Variants in CAPN15 observed in about 807,000 individuals in gnomAD.
CAPN15 encodes calpain-15.
In CAPN15, 53 loss-of-function variants were observed where a neutral mutation model predicts 97.9. That is an observed-to-expected ratio of 0.54 (90% CI 0.43 to 0.68). The LOEUF (loss-of-function observed/expected upper bound fraction) is 0.68, where lower values mean the gene tolerates loss of function less well. CAPN15 is among the 30% of genes least tolerant of loss of function. The probability of loss-of-function intolerance (pLI) is 0.00; values close to 1 mark genes in which losing one functional copy is unlikely to be tolerated. For missense variants in CAPN15, 1,592 were observed against 1,589.8 expected (o/e 1.00, Z -0.02); for synonymous variants, 922 against 722.5 (o/e 1.28, Z -4.43).
rs529470101 is a variant in CAPN15 at position 534,423 on chromosome 16, C to T, written c.-137+425C>T. ...GCACCTGTTTCTGGAGAATGCTGTC[C>T]TGCCAGTTGTCATTTGGGGCGGGCG... On this transcript the variant is annotated intron_variant, in intron 2 of 13. Transcript: ENST00000219611. Among the ~76,000 whole-genome samples the T allele has an allele frequency of 3.1e-3, 475 of 152,314 alleles. 4 individuals carry two copies. The highest frequency in any genetic ancestry group is 5.0e-3 in the Non-Finnish European group (338 of 68,008).
chr16:552,995 A>G lies in CAPN15; in HGVS notation c.3037A>G (p.Thr1013Ala). 2 of 1,610,302 alleles carry G rather than the reference A, an allele frequency of 1.2e-6. No individual in the cohort carries two copies. The highest frequency in any genetic ancestry group is 1.7e-6 in the Non-Finnish European group (2 of 1,178,690). ...DCTDSFNVVS[T>A]RGSLRTQDSV... Reference sequence around the variant, plus strand: ...CACCGACAGCTTCAACGTGGTGTCCACACGCGGCAGCCTGCGTACCCAGGA... The same window carrying G: ...CACCGACAGCTTCAACGTGGTGTCCGCACGCGGCAGCCTGCGTACCCAGGA... Residue 1013 changes from threonine to alanine, a missense_variant, in exon 13 of 14, where the codon ACA becomes GCA. Physicochemically the swap from Thr to Ala is moderately conservative, Grantham distance 58. Coordinates refer to ENST00000219611, the MANE Select transcript of CAPN15 (RefSeq NM_005632.3). The surrounding 1 kb of genome is among the most constrained non-coding windows in gnomAD (Gnocchi z 6.4).
rs1447200836 is a variant in CAPN15, at chr16:553,951, T to C, written c.*435T>C. The C allele has an allele frequency of 1.1e-5, 2 of 188,332 alleles. No homozygotes were observed. The highest frequency in any genetic ancestry group is 2.1e-5 in the Non-Finnish European group (2 of 94,828). The allele number at this position is 188,332 out of a possible 1,614,324, so 11.7% of individuals were successfully genotyped here. ...ACCCCTCACGGGGCATAAGGTCAGT[T>C]TTCCCCCAGAGCCCGGGTCCCTGTC... On this transcript the variant is annotated 3_prime_UTR_variant, in exon 14 of 14. Coordinates refer to ENST00000219611, the MANE Select transcript of CAPN15 (RefSeq NM_005632.3).
chr16:543,534 C>G (rs556187275), intron 3 of CAPN15, among the ~76,000 whole-genome samples: 1 of 152,198 alleles, frequency 6.6e-6, no homozygotes, highest in African/African-American at 2.4e-5. Context: ...CCTGCCTGGC[C>G]CTCCCCTGGG....
At chr16:537,151 C>T (rs913570851) in intron 3 of CAPN15, 20 of 985,352 alleles carry the variant, frequency 2.0e-5, no homozygotes, top group East Asian at 1.1e-4. Context: ...TCTTCTCTTC[C>T]GAGCACCCAC....
At chr16:531,659 T>C (rs573453344) in intron 1 of CAPN15, among the ~76,000 whole-genome samples, 163 of 122,406 alleles carry the variant, frequency 1.3e-3, no homozygotes, top group African/African-American at 4.0e-3. Context: ...TCCCAAGGCC[T>C]CCGTCTCCCT....
intron 3 of CAPN15, among the ~76,000 whole-genome samples, chr16:545,957 G>T (rs1294744957): frequency 6.6e-6 from 1 of 152,206 alleles, no homozygotes; most frequent in Non-Finnish European, 1.5e-5. Context: ...TGGTGATGGC[G>T]GGGAGAGGCC....
chr16:544,490 G>A (rs1405439335), intron 3 of CAPN15, among the ~76,000 whole-genome samples: 3 of 152,126 alleles, frequency 2.0e-5, no homozygotes, highest in Non-Finnish European at 2.9e-5. Context: ...TCCACGCTCC[G>A]GGTGCTGCTG....
chr16:536,322 C>T (rs1159123648), intron 3 of CAPN15, among the ~76,000 whole-genome samples, 180 bp downstream of exon 3: 1 of 152,198 alleles, frequency 6.6e-6, no homozygotes, highest in Non-Finnish European at 1.5e-5. Flanking sequence ...TGCTGCCCTC[C>T]CTCCTTCCCA....
chr16:551,192 G>A lies in CAPN15; in HGVS notation c.2067-110G>A. 2 of 1,442,744 alleles carry A rather than the reference G, an allele frequency of 1.4e-6. 1 individual carries two copies. The highest frequency in any genetic ancestry group is 2.7e-5 in the South Asian group (2 of 74,692). The allele number at this position is 1,442,744 out of a possible 1,614,324, so 89.4% of individuals were successfully genotyped here. On this transcript the variant is annotated intron_variant, in intron 7 of 13. Transcript: ENST00000219611. ...AGGGTCCCGGTCGGTGAGGGCCCCG[G>A]TCGGTGAGGGTCCCCAGTCGGTGAG...
rs564171505 is a variant in CAPN15, at chr16:530,744, G to A, written c.-190+2715G>A. On this transcript the variant is annotated intron_variant, in intron 1 of 13. Transcript: ENST00000219611. ...AGGGTGCACGGAATGGGGTCTGTGG[G>A]AGGATGGGGGCATCCTAGCCCAGGG... Among the ~76,000 whole-genome samples, 17 of 152,350 alleles carry A rather than the reference G, an allele frequency of 1.1e-4. No individual in the cohort carries two copies. In the South Asian group the frequency reaches 3.5e-3, roughly 32 times the overall value.
chr16:544,932 G>A (rs910868269), intron 3 of CAPN15, among the ~76,000 whole-genome samples: 9 of 140,002 alleles, frequency 6.4e-5, no homozygotes, highest in African/African-American at 2.6e-4. Flanking sequence ...CCCTGAGCCC[G>A]CTCCCTTCGA....
chr16:538,445 C>G (rs564749327), intron 3 of CAPN15: 8 of 152,306 alleles, frequency 5.3e-5, no homozygotes, highest in Non-Finnish European at 1.2e-4. Context: ...CAGGCCTGAG[C>G]CACCACAGGA....
intron 3 of CAPN15, chr16:543,317 A>G (rs1417426198): frequency 6.5e-6 from 1 of 154,388 alleles, no homozygotes; most frequent in South Asian, 2.0e-4. Context: ...CTCGGGCCAC[A>G]CTCCCGGGAT....
rs1326534573 is a variant in CAPN15 at position 547,552 on chromosome 16, C to A, written c.714C>A (p.Thr238=). 2.5e-6 allele frequency: 4 copies of A among 1,596,200 alleles called. No individual in the cohort carries two copies. The highest frequency in any genetic ancestry group is 1.7e-4 in the Middle Eastern group (1 of 6,050). Residue 238 remains threonine (T), a synonymous_variant, in exon 4 of 14, where the codon ACC becomes ACA. Transcript: ENST00000219611. ...RVPPFSPFSS[T]LQNNPVPRSR... ...CGCCCTTCAGCCCCTTCTCGTCCAC[C>A]CTGCAGAACAACCCCGTGCCGCGCA...
chr16:551,986 A>G, intron 9 of CAPN15, 65 bp from the exon 10 acceptor site: 2 of 1,491,924 alleles, frequency 1.3e-6, no homozygotes, highest in Non-Finnish European at 1.8e-6. Flanking sequence ...TGGTTGCGGT[A>G]GGCGCTGAGC....
intron 3 of CAPN15, among the ~76,000 whole-genome samples, chr16:544,070 G>A (rs1050701187): frequency 1.2e-4 from 19 of 152,148 alleles, no homozygotes; most frequent in Admixed American, 3.9e-4. Flanking sequence ...TCTACGGGCC[G>A]GGCACCGGCG....
At chr16:529,238 A>G (rs569784210) in intron 1 of CAPN15, among the ~76,000 whole-genome samples, 3 of 152,136 alleles carry the variant, frequency 2.0e-5, no homozygotes, top group African/African-American at 7.2e-5. Flanking sequence ...CCCGAGGCTC[A>G]GTAACTGCAT....
At chr16:531,056 G>A (rs555572739) in intron 1 of CAPN15, among the ~76,000 whole-genome samples, 3 of 152,348 alleles carry the variant, frequency 2.0e-5, no homozygotes, top group African/African-American at 4.8e-5. Flanking sequence ...TCAGGAGGAC[G>A]CAGGGCCATC....
rs1350253217 is a variant in CAPN15 at position 527,936 on chromosome 16, A to G, written c.-283A>G. On this transcript the variant is annotated 5_prime_UTR_variant, in exon 1 of 14. Coordinates refer to ENST00000219611, the MANE Select transcript of CAPN15 (RefSeq NM_005632.3). ...GGCCCCGCCGCTCTCCGGAGGCAGAAGTTGTGGATCGGCCGGCGGGGGCGA... is the reference window on the plus strand; with the variant it reads ...GGCCCCGCCGCTCTCCGGAGGCAGAGGTTGTGGATCGGCCGGCGGGGGCGA... The G allele has an allele frequency of 7.0e-6, 1 of 142,314 alleles. No homozygotes were observed. Among genetic ancestry groups the G allele is most frequent in the Non-Finnish European group, 1.5e-5 (1 of 64,624 alleles). 8.8% of individuals were successfully genotyped at this position (142,314 alleles called of 1,614,324 possible).
Sources: gnomAD v4.1 joint callset for allele counts (sites outside exome capture counted in the v4.1 genomes callset) on GRCh38, gnomAD v4.1.1 for gene constraint, Gnocchi (gnomAD v3.1) non-coding constraint, MANE v1.5 for transcripts, NCBI Gene and HGNC (gene_info 2026-07-23, HGNC 2026-07-21) for gene names.